Variants in NDUFAF7 observed in about 807,000 individuals in gnomAD.
The protein encoded by NDUFAF7 is protein arginine methyltransferase NDUFAF7, mitochondrial.
A neutral mutation model predicts 47.2 loss-of-function variants in NDUFAF7; 48 were observed. The observed-to-expected ratio is 1.02, with a 90% CI of 0.81 to 1.29. NDUFAF7 has a LOEUF of 1.29. Among genes scored for constraint, NDUFAF7 ranks in the 50% most tolerant of loss-of-function variants. The probability of loss-of-function intolerance (pLI) is 0.00; values close to 1 mark genes in which losing one functional copy is unlikely to be tolerated. For synonymous variants in NDUFAF7, 217 were observed against 190.0 expected, an observed-to-expected ratio of 1.14 and a Z score of -1.17; for missense variants, 635 against 537.6, an observed-to-expected ratio of 1.18 and a Z score of -1.79.
chr2:37,257,429 G>A (rs1265859226), downstream of NDUFAF7, among the ~76,000 whole-genome samples: 3 of 152,038 alleles, frequency 2.0e-5, no homozygotes, highest in Non-Finnish European at 4.4e-5. Context: ...ACTTTGGGAG[G>A]CCGAGGCGGG....
intron 4 of NDUFAF7, among the ~76,000 whole-genome samples, chr2:37,240,363 T>G (rs1414561011): frequency 6.6e-6 from 1 of 151,748 alleles, no homozygotes; most frequent in Non-Finnish European, 1.5e-5. Context: ...TGCAGTGAGC[T>G]GTGATTATGC....
chr2:37,253,547 C>CAA (rs368578022), downstream of NDUFAF7: 1 of 484,078 alleles, frequency 2.1e-6, no homozygotes, highest in Non-Finnish European at 3.5e-6. Context: ...TTTTCAAACT[C>CAA]AGAGTCTCCA....
the NDUFAF7 span, chr2:37,260,199 A>T: frequency 2.5e-5 from 13 of 524,466 alleles, no homozygotes; most frequent in Non-Finnish European, 3.5e-5. Context: ...TCGCTAGTTT[A>T]AAAAAAAAAA....
downstream of NDUFAF7, chr2:37,253,396 A>G: frequency 6.6e-7 from 1 of 1,508,128 alleles, no homozygotes; most frequent in Non-Finnish European, 9.0e-7. Flanking sequence ...GAAACAAAAT[A>G]CTGTCAACCT....
At chr2:37,255,341 C>T (rs993040525), downstream of NDUFAF7, among the ~76,000 whole-genome samples, 2 of 152,170 alleles carry the variant, frequency 1.3e-5, no homozygotes, top group African/African-American at 2.4e-5. Context: ...ATTACATGGG[C>T]TGGTTAAATC....
At chr2:37,244,877 T>C (rs982582139) in intron 7 of NDUFAF7, among the ~76,000 whole-genome samples, 1 of 151,906 alleles carries the variant, frequency 6.6e-6, no homozygotes, top group African/African-American at 2.4e-5. Context: ...CTCCTGGCCC[T>C]GGGAGTTCAT....
At chr2:37,254,371 A>T (rs528236461), downstream of NDUFAF7, 20 of 1,044,982 alleles carry the variant, frequency 1.9e-5, 1 homozygote, top group South Asian at 1.9e-4. Context: ...AGGCAGTTCA[A>T]CCCATAGAAA....
chr2:37,238,010 A>G, intron 4 of NDUFAF7, 143 bp downstream of exon 4: 1 of 700,310 alleles, frequency 1.4e-6, no homozygotes, highest in South Asian at 1.7e-5. Context: ...TAATGTAATC[A>G]GTCATTACTT....
chr2:37,243,318 G>A (rs1315979334), intron 6 of NDUFAF7, among the ~76,000 whole-genome samples: 1 of 152,122 alleles, frequency 6.6e-6, no homozygotes, highest in African/African-American at 2.4e-5. Context: ...GGGCTTGGTG[G>A]CACGTGCCTG....
Position 37,241,286 on chromosome 2 carries a change from T to A in NDUFAF7, c.409-292T>A, listed in dbSNP as rs114973641. Among the ~76,000 whole-genome samples, 361 of 152,330 alleles carry A rather than the reference T, an allele frequency of 2.4e-3. 2 individuals are homozygous for A. Among genetic ancestry groups the A allele is most frequent in the Non-Finnish European group, 3.9e-3 (268 of 68,034 alleles). On this transcript the variant is annotated intron_variant, in intron 4 of 9. Transcript: ENST00000002125. Reference sequence around the variant, plus strand: ...TTATTTCCTTGGTCTTTTTTTAGACTCCATAATCTGAATCATTGTTTTTAT... The same window carrying A: ...TTATTTCCTTGGTCTTTTTTTAGACACCATAATCTGAATCATTGTTTTTAT...
At position 37,248,818 on chromosome 2, in the gene NDUFAF7, A is replaced by G. The variant is rs776785448; in HGVS notation, c.*468A>G. On this transcript the variant is annotated 3_prime_UTR_variant, in exon 10 of 10. Transcript: ENST00000002125. ...AATCCCAGCTACTCAGGAGGCTGAGACAGGAGAATCACTTGAACCTGGGAG... is the reference window on the plus strand; with the variant it reads ...AATCCCAGCTACTCAGGAGGCTGAGGCAGGAGAATCACTTGAACCTGGGAG... 6.5e-5 allele frequency: 12 copies of G among 183,850 alleles called. No individual in the cohort carries two copies. The highest frequency in any genetic ancestry group is 1.6e-4 in the Admixed American group (3 of 18,486). 11.4% of individuals were successfully genotyped at this position (183,850 alleles called of 1,614,324 possible).
intron 6 of NDUFAF7, 74 bp from the exon 7 acceptor site, chr2:37,243,789 A>G: frequency 9.3e-7 from 1 of 1,080,000 alleles, no homozygotes; most frequent in Non-Finnish European, 1.4e-6. Context: ...AGAGGAGAAA[A>G]AGCTATTTTT....
chr2:37,259,693 A>G, the NDUFAF7 span: 2 of 1,581,250 alleles, frequency 1.3e-6, no homozygotes, highest in Non-Finnish European at 1.7e-6. Context: ...TGTTATGAAA[A>G]AAGATTTTCT....
At chr2:37,237,486 T>C (rs1341911814) in intron 3 of NDUFAF7, among the ~76,000 whole-genome samples, 1 of 152,248 alleles carries the variant, frequency 6.6e-6, no homozygotes, top group Non-Finnish European at 1.5e-5. Context: ...AATACCTTTC[T>C]GCTAGTGATA....
chr2:37,254,564 T>G (rs1162141910), downstream of NDUFAF7, among the ~76,000 whole-genome samples: 1 of 152,148 alleles, frequency 6.6e-6, no homozygotes, highest in Non-Finnish European at 1.5e-5. Context: ...AGTCTGGTTC[T>G]GCCACCTACT....
chr2:37,240,298 G>A (rs769716230), intron 4 of NDUFAF7, among the ~76,000 whole-genome samples: 9 of 151,818 alleles, frequency 5.9e-5, no homozygotes, highest in Non-Finnish European at 8.8e-5. Flanking sequence ...GTCTGTGGTC[G>A]AAGCTAGTTG....
At chr2:37,253,459 T>C (rs1667678202), downstream of NDUFAF7, 6 of 859,646 alleles carry the variant, frequency 7.0e-6, no homozygotes, top group Non-Finnish European at 1.0e-5. Context: ...AGTCAAATAA[T>C]TGACAGGCGC....
chr2:37,255,760 C>A (rs1210349959), downstream of NDUFAF7, among the ~76,000 whole-genome samples: 1 of 152,152 alleles, frequency 6.6e-6, no homozygotes, highest in East Asian at 1.9e-4. Flanking sequence ...AATCCCAGCA[C>A]TTTGGGAGGT....
At chr2:37,234,609 A>G (rs1665554705) in intron 2 of NDUFAF7, among the ~76,000 whole-genome samples, 1 of 152,204 alleles carries the variant, frequency 6.6e-6, no homozygotes, top group African/African-American at 2.4e-5. Flanking sequence ...TAGAAAGCCT[A>G]GAAGAAGAGA....
Sources: allele counts gnomAD v4.1 joint callset (sites outside exome capture counted in the v4.1 genomes callset), GRCh38; gene constraint gnomAD v4.1.1; transcripts MANE v1.5; gene names NCBI Gene and HGNC (gene_info 2026-07-23, HGNC 2026-07-21).